Variants in BEND6 observed in about 807,000 individuals in gnomAD.
The protein encoded by BEND6 is BEN domain containing 6.
A neutral mutation model predicts 31.8 loss-of-function variants in BEND6; 24 were observed. The observed-to-expected ratio is 0.75, with a 90% confidence interval of 0.55 to 1.06. The LOEUF (loss-of-function observed/expected upper bound fraction) is 1.06. BEND6 is among the 50% of genes least tolerant of loss of function. The pLI is 0.00. For synonymous variants in BEND6, 109 were observed against 114.6 expected (o/e 0.95, Z 0.31); for missense variants, 294 against 327.4 (o/e 0.90, Z 0.79).
intron 3 of BEND6, chr6:57,004,808 G>A (rs1461121601): frequency 4.9e-6 from 4 of 817,310 alleles, no homozygotes; most frequent in Admixed American, 3.5e-5. Context: ...GACCAATTAG[G>A]ATTGCCTGAG....
intron 3 of BEND6, among the ~76,000 whole-genome samples, chr6:57,011,736 G>GAAAAAAAAAAAAAAAAAAAAAAAA (rs1238082293): frequency 9.5e-6 from 1 of 105,342 alleles, no homozygotes. Context: ...AAAAAAAAAA[G>GAAAAAAAAAAAAAAAAAAAAAAAA]AAAAAAAAAG....
chr6:57,025,138 A>G (rs1827862258), intron 6 of BEND6, among the ~76,000 whole-genome samples: 1 of 152,214 alleles, frequency 6.6e-6, no homozygotes. Flanking sequence ...GGGAGGTCAC[A>G]TAGTTTCCCT....
At chr6:56,971,049 G>A (rs1223022074) in intron 1 of BEND6, among the ~76,000 whole-genome samples, 1 of 152,026 alleles carries the variant, frequency 6.6e-6, no homozygotes, top group Non-Finnish European at 1.5e-5. Context: ...GTATTATTGT[G>A]CAACCATCAC....
chr6:56,997,316 T>A (rs2127868950), intron 3 of BEND6, among the ~76,000 whole-genome samples: 1 of 152,292 alleles, frequency 6.6e-6, no homozygotes, highest in Non-Finnish European at 1.5e-5. Context: ...AATTTCAACC[T>A]TTCTTCTCCC....
intron 2 of BEND6, among the ~76,000 whole-genome samples, chr6:56,990,120 T>C (rs1182155484): frequency 1.3e-5 from 2 of 152,264 alleles, no homozygotes; most frequent in African/African-American, 4.8e-5. Flanking sequence ...CATTTTTTTT[T>C]CCAAATGGTT....
intron 1 of BEND6, among the ~76,000 whole-genome samples, chr6:56,957,808 G>C (rs1479491914): frequency 6.6e-6 from 1 of 152,148 alleles, no homozygotes; most frequent in African/African-American, 2.4e-5. Flanking sequence ...AGCTAAGAGA[G>C]TTTGATACCA....
chr6:57,023,813 T>A (rs1827823869), intron 6 of BEND6, among the ~76,000 whole-genome samples: 1 of 152,192 alleles, frequency 6.6e-6, no homozygotes, highest in Non-Finnish European at 1.5e-5. Flanking sequence ...TCAGTGTTAT[T>A]ATTGATCAGG....
chr6:57,004,995 T>A (rs1827101276), intron 3 of BEND6, among the ~76,000 whole-genome samples: 1 of 152,200 alleles, frequency 6.6e-6, no homozygotes, highest in Non-Finnish European at 1.5e-5. Flanking sequence ...GAAGTAATTG[T>A]ATATTGCACA....
At position 57,003,781 on chromosome 6, in the gene BEND6, AC is replaced by A. The variant is rs150179969; in HGVS notation, c.298+11227del. 9.3e-3 allele frequency among the ~76,000 whole-genome samples: 1,418 copies of A among 152,318 alleles called. 21 individuals are homozygous for A. The highest frequency in any genetic ancestry group is 0.031 in the African/African-American group (1,280 of 41,574). Reference sequence around the variant, plus strand: ...ATGAACATAGATGCAAAAATCCTCAACAAAATACTAGCAATTCAAATCAAAC... The same window carrying A: ...ATGAACATAGATGCAAAAATCCTCAAAAAATACTAGCAATTCAAATCAAAC... On this transcript the variant is annotated intron_variant, in intron 3 of 6. Transcript: ENST00000370746.
At chr6:56,964,789 C>A (rs1825410866) in intron 1 of BEND6, among the ~76,000 whole-genome samples, 1 of 152,214 alleles carries the variant, frequency 6.6e-6, no homozygotes, top group Non-Finnish European at 1.5e-5. Flanking sequence ...AGCCTCCTCA[C>A]CTGGCCTCTT....
chr6:56,970,381 G>A (rs986214182), intron 1 of BEND6, among the ~76,000 whole-genome samples: 3 of 151,876 alleles, frequency 2.0e-5, no homozygotes, highest in African/African-American at 7.3e-5. Context: ...CACCATGTTG[G>A]CCAGGCTTGT....
chr6:56,995,709 C>T (rs1043756336), intron 3 of BEND6, among the ~76,000 whole-genome samples: 4 of 152,130 alleles, frequency 2.6e-5, no homozygotes, highest in African/African-American at 9.7e-5. Flanking sequence ...GAACACCAGT[C>T]GCATTATATT....
chr6:56,981,756 A>C lies in BEND6; in HGVS notation c.-55A>C. The C allele has an allele frequency of 6.3e-7, 1 of 1,591,356 alleles. No homozygotes were observed. The highest frequency in any genetic ancestry group is 8.6e-7 in the Non-Finnish European group (1 of 1,169,162). ...CTACGTCCAGAATAGCATCATCTTC[A>C]TGGGTATTCCCTACTCCTAGGATTT... On this transcript the variant is annotated 5_prime_UTR_variant, in exon 2 of 7. It removes an upstream start codon present in the reference 5' UTR. Coordinates refer to ENST00000370746, the MANE Select transcript of BEND6 (RefSeq NM_152731.3).
At chr6:57,008,912 A>G (rs1470516906) in intron 3 of BEND6, 2 of 152,260 alleles carry the variant, frequency 1.3e-5, no homozygotes, top group African/African-American at 4.8e-5. Flanking sequence ...GAATAGATAA[A>G]GAAAATGTGG....
chr6:56,969,697 T>G (rs147088636), intron 1 of BEND6, among the ~76,000 whole-genome samples: 1,522 of 152,098 alleles, frequency 0.01, 26 homozygotes, highest in African/African-American at 0.034. Context: ...TATTACATTT[T>G]GATATTAATC....
At chr6:57,017,140 A>G (rs2127892191) in intron 4 of BEND6, 67 bp from the exon 5 acceptor site, 1 of 1,181,834 alleles carries the variant, frequency 8.5e-7, no homozygotes, top group South Asian at 2.1e-5. Flanking sequence ...GCCTTAACTC[A>G]ATTAGTAACA....
chr6:56,971,271 C>G (rs1825679222), intron 1 of BEND6, among the ~76,000 whole-genome samples: 1 of 152,184 alleles, frequency 6.6e-6, no homozygotes, highest in African/African-American at 2.4e-5. Flanking sequence ...GCATAATGTT[C>G]TCAAGGTAAA....
intron 3 of BEND6, chr6:57,004,643 C>A: frequency 8.7e-7 from 1 of 1,145,026 alleles, no homozygotes; most frequent in Non-Finnish European, 1.3e-6. Flanking sequence ...GGGCTGAATG[C>A]AATGGAGTGG....
intron 3 of BEND6, among the ~76,000 whole-genome samples, chr6:57,011,706 G>A (rs1457046490): frequency 9.4e-6 from 1 of 106,056 alleles, no homozygotes; most frequent in East Asian, 2.8e-4. Flanking sequence ...TAACAGCAGG[G>A]CCCTGTCTCA....
Sources: gnomAD v4.1 joint callset for allele counts (sites outside exome capture counted in the v4.1 genomes callset) on GRCh38, gnomAD v4.1.1 for gene constraint, MANE v1.5 for transcripts, NCBI Gene and HGNC (gene_info 2026-07-23, HGNC 2026-07-21) for gene names.